Variants in NDUFA10 observed in about 807,000 individuals in gnomAD.
NDUFA10 encodes the protein NADH dehydrogenase [ubiquinone] 1 alpha subcomplex subunit 10, mitochondrial.
In NDUFA10, 40 loss-of-function variants were observed where a neutral mutation model predicts 47.8. That is an observed-to-expected ratio of 0.84 (90% CI 0.65 to 1.09). The LOEUF is 1.09. Ranked by LOEUF, NDUFA10 falls within the 50% of genes least tolerant of loss-of-function variation. The pLI, the probability that NDUFA10 is intolerant of heterozygous loss-of-function variation, is 0.00. For synonymous variants in NDUFA10, 183 were observed against 172.2 expected (o/e 1.06, Z -0.49); for missense variants, 413 against 451.1 (o/e 0.92, Z 0.76).
chr2:240,009,768 A>C (rs1255176216), intron 6 of NDUFA10, among the ~76,000 whole-genome samples: 5 of 152,164 alleles, frequency 3.3e-5, no homozygotes, highest in Admixed American at 2.6e-4. Context: ...CATTTCTCTT[A>C]TTTAGTTTTG....
chr2:239,920,466 C>T (rs1470120551), intron 4 of NDUFA10, among the ~76,000 whole-genome samples: 1 of 152,230 alleles, frequency 6.6e-6, no homozygotes, highest in East Asian at 1.9e-4. Flanking sequence ...GGGAGAAAAT[C>T]AAAAGGCTTC....
chr2:239,917,894 G>T (rs1197227812), intron 4 of NDUFA10, among the ~76,000 whole-genome samples: 6 of 152,330 alleles, frequency 3.9e-5, no homozygotes, highest in African/African-American at 1.2e-4. Context: ...GCTATGGCAG[G>T]TACCAGTGAC....
chr2:240,003,165 C>T (rs1408254342), intron 8 of NDUFA10, among the ~76,000 whole-genome samples: 3 of 152,172 alleles, frequency 2.0e-5, no homozygotes, highest in East Asian at 1.9e-4. Context: ...ACTTATTACA[C>T]ATTCTGTTTA....
At chr2:239,978,192 A>G (rs1695606209) in intron 9 of NDUFA10, among the ~76,000 whole-genome samples, 2 of 152,094 alleles carry the variant, frequency 1.3e-5, no homozygotes, top group African/African-American at 4.8e-5. Flanking sequence ...TCTTTCCACA[A>G]GCACTTACCC....
intron 4 of NDUFA10, among the ~76,000 whole-genome samples, chr2:239,940,076 A>G (rs985718866): frequency 1.3e-5 from 2 of 152,202 alleles, no homozygotes; most frequent in Non-Finnish European, 2.9e-5. Flanking sequence ...TGAAAGCTCC[A>G]CCATCCACAA....
intron 4 of NDUFA10, among the ~76,000 whole-genome samples, chr2:239,950,770 C>T (rs984438562): frequency 1.3e-5 from 2 of 152,316 alleles, no homozygotes; most frequent in Non-Finnish European, 2.9e-5. Flanking sequence ...GTCGGCTGTG[C>T]AGACCCCTGC....
At chr2:239,985,727 T>C (rs1197309897) in intron 9 of NDUFA10, among the ~76,000 whole-genome samples, 3 of 151,952 alleles carry the variant, frequency 2.0e-5, no homozygotes, top group East Asian at 3.9e-4. Context: ...CTGGCCAACA[T>C]GGTGAAAACT....
At chr2:239,942,530 T>C (rs945244680) in intron 4 of NDUFA10, among the ~76,000 whole-genome samples, 1 of 152,278 alleles carries the variant, frequency 6.6e-6, no homozygotes, top group Non-Finnish European at 1.5e-5. Flanking sequence ...TGACATCTTA[T>C]TTTCATTTCT....
At chr2:239,957,069 G>A (rs1328840970), downstream of NDUFA10, among the ~76,000 whole-genome samples, 1 of 152,176 alleles carries the variant, frequency 6.6e-6, no homozygotes, top group African/African-American at 2.4e-5. Flanking sequence ...CTGCAGCTCA[G>A]GCCAGACCCT....
At chr2:239,948,788 GCCCT>G (rs1694500902) in intron 4 of NDUFA10, among the ~76,000 whole-genome samples, 1 of 152,228 alleles carries the variant, frequency 6.6e-6, no homozygotes, top group African/African-American at 2.4e-5. Context: ...AGCCGAGGTG[GCCCT>G]CCCTCCTTGG....
At chr2:240,008,187 ACAATCACTCAG>A (rs1697017221) in intron 6 of NDUFA10, among the ~76,000 whole-genome samples, 1 of 152,198 alleles carries the variant, frequency 6.6e-6, no homozygotes, top group African/African-American at 2.4e-5. Context: ...TTCAAGCTCT[ACAATCACTCAG>A]TAACACATCT....
chr2:240,014,686 CT>C, intron 5 of NDUFA10, 52 bp downstream of exon 5: 1 of 1,612,742 alleles, frequency 6.2e-7, no homozygotes, highest in Non-Finnish European at 8.5e-7. Flanking sequence ...GCTTTTAGTG[CT>C]GATCTACATT....
At chr2:240,019,041 A>G (rs1319604304) in intron 3 of NDUFA10, among the ~76,000 whole-genome samples, 1 of 151,912 alleles carries the variant, frequency 6.6e-6, no homozygotes, top group Non-Finnish European at 1.5e-5. Flanking sequence ...CTGTGTTACT[A>G]TCACAGCAGC....
At position 239,990,105 on chromosome 2, in the gene NDUFA10, T is replaced by C; in HGVS notation, c.968A>G (p.Gln323Arg). The change falls in exon 9 of 10, where the codon CAG (glutamine) becomes CGG (arginine). Residue 323 changes from glutamine to arginine, a missense_variant. Transcript: ENST00000252711. ...GAACTGATGTAAGACACGGTCAGTC[T>C]GATGAGCTCCAATGGTGACTTCCGG... ...FLPEVTIGAHQTDRVLHQFRE... is the reference protein window; with the variant it reads ...FLPEVTIGAHRTDRVLHQFRE... 6.2e-7 allele frequency: 1 copy of C among 1,613,546 alleles called. No individual in the cohort carries two copies. Among genetic ancestry groups the C allele is most frequent in the Non-Finnish European group, 8.5e-7 (1 of 1,179,450 alleles).
rs374832493 is a variant in NDUFA10, at chr2:239,967,368, CA to C, written c.1000-6183del. 5.6e-3 allele frequency among the ~76,000 whole-genome samples: 854 copies of C among 152,264 alleles called. 12 individuals are homozygous for C. The highest frequency in any genetic ancestry group is 0.02 in the African/African-American group (819 of 41,538). ...CTGACTGCTTCTGTAAATGAGGCCT[CA>C]CTGGCACAACCTGGCCCATGCATTT... On this transcript the variant is annotated intron_variant, in intron 9 of 9. Transcript: ENST00000252711.
At position 239,958,077 on chromosome 2, in the gene NDUFA10, G is replaced by A. The variant is rs1694709474; in HGVS notation, c.*3041C>T. On this transcript the variant is annotated 3_prime_UTR_variant, in exon 10 of 10. Coordinates refer to ENST00000252711, the MANE Select transcript of NDUFA10 (RefSeq NM_004544.4). ...GCTTCTATTTATATCCACATGTAAA[G>A]CCCCAGATCACTCGGGCACCTGCTT... The A allele has an allele frequency of 6.6e-6, 1 of 152,162 alleles. No individual in the cohort carries two copies. Among genetic ancestry groups the A allele is most frequent in the African/African-American group, 2.4e-5 (1 of 41,424 alleles). The allele number at this position is 152,162 out of a possible 1,614,324, so 9.4% of individuals were successfully genotyped here. A position where few individuals can be genotyped will look rare whatever the true frequency, so the allele number is the denominator to read the frequency against.
intron 1 of NDUFA10, among the ~76,000 whole-genome samples, chr2:240,022,546 CTGTT>C (rs1349276822): frequency 1.3e-5 from 2 of 150,954 alleles, no homozygotes; most frequent in Non-Finnish European, 2.9e-5. Context: ...GATATACTGT[CTGTT>C]TGTTCACTGC....
chr2:239,912,713 C>G (rs1474974120), intron 4 of NDUFA10, among the ~76,000 whole-genome samples: 5 of 152,232 alleles, frequency 3.3e-5, no homozygotes, highest in African/African-American at 1.2e-4. Context: ...GCCACCACCA[C>G]CTCTCCGCCC....
chr2:239,900,412 G>T (rs1381202737), intron 4 of NDUFA10, among the ~76,000 whole-genome samples: 1 of 141,770 alleles, frequency 7.1e-6, no homozygotes, highest in Non-Finnish European at 1.5e-5. Flanking sequence ...CAGGCCTCTA[G>T]CCAGGGCACA....
Sources: allele counts gnomAD v4.1 joint callset (sites outside exome capture counted in the v4.1 genomes callset), GRCh38; gene constraint gnomAD v4.1.1; transcripts MANE v1.5; gene names NCBI Gene and HGNC (gene_info 2026-07-23, HGNC 2026-07-21).